The following PCDHGA6 variants were observed in gnomAD, a reference collection of about 807,000 sequenced individuals.
PCDHGA6 encodes protocadherin gamma subfamily A, 6.
PCDHGA6 carries 41 observed loss-of-function variants against 60.6 expected under a neutral mutation model. The observed-to-expected ratio is 0.68, with a 90% CI of 0.53 to 0.88. The LOEUF is 0.88. Among genes scored for constraint, PCDHGA6 ranks in the 40% least tolerant of loss-of-function variants. The pLI is 0.00. For missense variants in PCDHGA6, 1,312 were observed against 1,203.0 expected, an observed-to-expected ratio of 1.09 and a Z score of -1.34; for synonymous variants, 594 against 524.4, an observed-to-expected ratio of 1.13 and a Z score of -1.81.
rs1309165721 is a variant in PCDHGA6 at position 141,430,655 on chromosome 5, G to A, written c.2424+54148G>A. On this transcript the variant is annotated intron_variant, in intron 1 of 3. Coordinates refer to ENST00000517434, the MANE Select transcript of PCDHGA6 (RefSeq NM_018919.3). Reference sequence around the variant, plus strand: ...ATCCCTGGGAGTATGTGGAAACAACGGAGGAGCTCTGACTTCCCAACTGTC... The same window carrying A: ...ATCCCTGGGAGTATGTGGAAACAACAGAGGAGCTCTGACTTCCCAACTGTC... 4.6e-6 allele frequency: 5 copies of A among 1,084,938 alleles called. No individual in the cohort carries two copies. In the East Asian group the frequency reaches 7.8e-5, roughly 17 times the overall value. 67.2% of individuals were successfully genotyped at this position (1,084,938 alleles called of 1,614,324 possible).
At chr5:141,388,559 T>C in intron 1 of PCDHGA6, 1 of 1,613,890 alleles carries the variant, frequency 6.2e-7, no homozygotes, top group Non-Finnish European at 8.5e-7. Context: ...TAAGCAGCAC[T>C]GCACAGATAC....
chr5:141,464,328 C>T (rs2099081878), intron 1 of PCDHGA6, among the ~76,000 whole-genome samples: 1 of 150,722 alleles, frequency 6.6e-6, no homozygotes, highest in Admixed American at 6.6e-5. Context: ...CTGTTCAACC[C>T]ATCTATGACT....
intron 1 of PCDHGA6, chr5:141,478,813 A>G (rs2099478658): frequency 4.8e-6 from 7 of 1,453,346 alleles, no homozygotes; most frequent in Non-Finnish European, 6.3e-6. Context: ...TGCTATCACA[A>G]CTAACCAATC....
In PCDHGA6 at chr5:141,374,330, A is replaced by G. The variant is rs774789215; in HGVS notation, c.247A>G (p.Ser83Gly). Reference sequence around the variant, plus strand: ...TTTCTCTCTGAATCCGCGAAACGGCAGCTTGGTCACCGCGGGTAGGATAGA... The same window carrying G: ...TTTCTCTCTGAATCCGCGAAACGGCGGCTTGGTCACCGCGGGTAGGATAGA... ...QLFSLNPRNG[S>G]LVTAGRIDRE... Residue 83 changes from serine to glycine, a missense_variant, in exon 1 of 4, where the codon AGC (serine) becomes GGC (glycine). Coordinates refer to ENST00000517434, the MANE Select transcript of PCDHGA6 (RefSeq NM_018919.3). 138 of 1,613,872 alleles carry G rather than the reference A, an allele frequency of 8.6e-5. No homozygotes were observed. Among genetic ancestry groups the G allele is most frequent in the Non-Finnish European group, 1.1e-4 (130 of 1,179,866 alleles).
Position 141,477,554 on chromosome 5 carries a change from A to T in PCDHGA6, c.2425-17253A>T. The T allele has an allele frequency of 6.2e-7, 1 of 1,614,112 alleles. No homozygotes were observed. Among genetic ancestry groups the T allele is most frequent in the South Asian group, 1.1e-5 (1 of 91,086 alleles). Reference sequence around the variant, plus strand: ...CCCCGGGGCTCCAATACTAAACCTAAGTGTCTGGGACCCCGACGCCCCGCA... The same window carrying T: ...CCCCGGGGCTCCAATACTAAACCTATGTGTCTGGGACCCCGACGCCCCGCA... On this transcript the variant is annotated intron_variant, in intron 1 of 3. Transcript: ENST00000517434. This position sits in a 1 kb window ranked among gnomAD's most constrained non-coding sequence, Gnocchi z 4.9.
In PCDHGA6 at chr5:141,375,754, C is replaced by T; in HGVS notation, c.1671C>T (p.Asp557=). ...GCCTGTTTGTGCTGGACCAGAATGA[C>T]AATGCGCCCGAGATCCTGTACCCCG... ...SLSLFVLDQN[D]NAPEILYPAL... The change falls in exon 1 of 4, where the codon GAC becomes GAT. Residue 557 remains aspartate, a synonymous_variant. Transcript: ENST00000517434. 6.2e-7 allele frequency: 1 copy of T among 1,614,244 alleles called. No individual in the cohort carries two copies. The highest frequency in any genetic ancestry group is 8.5e-7 in the Non-Finnish European group (1 of 1,180,030).
intron 1 of PCDHGA6, chr5:141,419,140 G>A (rs1359933027): frequency 1.2e-6 from 2 of 1,613,750 alleles, no homozygotes; most frequent in East Asian, 2.2e-5. Flanking sequence ...CCACAGACAG[G>A]GGCAAGCCTC....
In PCDHGA6 at chr5:141,375,793, C is replaced by T. The variant is rs761231690; in HGVS notation, c.1710C>T (p.Asp570=). ...TCCTGTACCCCGCCCTCCCCACAGA[C>T]GGTTCCACTGGCGTGGAGCTGGCGC... ...PEILYPALPT[D]GSTGVELAPR... Residue 570 remains aspartate, a synonymous_variant, in exon 1 of 4, where the codon GAC becomes GAT. Transcript: ENST00000517434. The T allele has an allele frequency of 2.5e-6, 4 of 1,614,110 alleles. No homozygotes were observed. Among genetic ancestry groups the T allele is most frequent in the East Asian group, 4.5e-5 (2 of 44,906 alleles).
At chr5:141,427,146 AAT>A (rs1561826638) in intron 1 of PCDHGA6, 1 of 456,990 alleles carries the variant, frequency 2.2e-6, no homozygotes, top group Non-Finnish European at 4.4e-6. Context: ...TGATATTGGA[AAT>A]ATGTTTGTGC....
At chr5:141,450,826 A>C (rs965147554) in intron 1 of PCDHGA6, among the ~76,000 whole-genome samples, 1 of 134,302 alleles carries the variant, frequency 7.4e-6, no homozygotes, top group African/African-American at 2.9e-5. Context: ...TATTATTATT[A>C]TTATTTTTTT....
chr5:141,399,097 G>GT (rs1217179640), intron 1 of PCDHGA6: 2 of 1,613,816 alleles, frequency 1.2e-6, no homozygotes, highest in Admixed American at 3.3e-5. Flanking sequence ...TGGTGGACTG[G>GT]TTGCACAATG....
intron 1 of PCDHGA6, chr5:141,400,255 C>T: frequency 6.2e-7 from 1 of 1,614,046 alleles, no homozygotes; most frequent in Non-Finnish European, 8.5e-7. Flanking sequence ...CGTTGCCTTG[C>T]GCCTGCGACG....
intron 2 of PCDHGA6, among the ~76,000 whole-genome samples, chr5:141,496,991 G>T (rs1164558685): frequency 6.6e-6 from 1 of 151,902 alleles, no homozygotes; most frequent in African/African-American, 2.4e-5. Context: ...TTTGAGACCA[G>T]CCTGGCAGCC....
At chr5:141,449,588 CAAAA>C (rs768743917) in intron 1 of PCDHGA6, among the ~76,000 whole-genome samples, 2 of 57,488 alleles carry the variant, frequency 3.5e-5, no homozygotes, top group Non-Finnish European at 3.7e-5. Flanking sequence ...GACTCTGTCT[CAAAA>C]AAAAAAAAAA....
At chr5:141,462,206 T>A (rs574863016) in intron 1 of PCDHGA6, among the ~76,000 whole-genome samples, 7 of 152,066 alleles carry the variant, frequency 4.6e-5, no homozygotes, top group African/African-American at 1.7e-4. Flanking sequence ...GTGATCCGCC[T>A]GCCTCGGCCT....
intron 1 of PCDHGA6, chr5:141,415,818 A>G: frequency 2.3e-6 from 3 of 1,325,056 alleles, no homozygotes; most frequent in Middle Eastern, 2.8e-4. Context: ...CCTATATATC[A>G]TAAGGCTTTG....
Position 141,388,949 on chromosome 5 carries a change from G to A in PCDHGA6, c.2424+12442G>A. The A allele has an allele frequency of 6.2e-7, 1 of 1,613,986 alleles. No homozygotes were observed. The highest frequency in any genetic ancestry group is 8.5e-7 in the Non-Finnish European group (1 of 1,179,876). On this transcript the variant is annotated intron_variant, in intron 1 of 3. Coordinates refer to ENST00000517434, the MANE Select transcript of PCDHGA6 (RefSeq NM_018919.3). ...TCCAGTCTCTACCCAACCTAATTAT[G>A]GAGGACGCCGAGCTGGGAACACATA...
In PCDHGA6 at chr5:141,418,344, T is replaced by C. The variant is rs746519142; in HGVS notation, c.2424+41837T>C. On this transcript the variant is annotated intron_variant, in intron 1 of 3. Transcript: ENST00000517434. ...CTTGAGTCTGCAGAAGATCCTGATA[T>C]TAGTATGAATTCGCTGAGCAAATAC... 4.3e-6 allele frequency: 7 copies of C among 1,613,890 alleles called. No individual in the cohort carries two copies. The highest frequency in any genetic ancestry group is 2.2e-5 in the South Asian group (2 of 91,086).
intron 1 of PCDHGA6, chr5:141,383,110 A>G (rs754398892): frequency 1.9e-6 from 3 of 1,614,020 alleles, no homozygotes; most frequent in South Asian, 1.1e-5. Flanking sequence ...CTCCAGAGGT[A>G]GGACGCAGCT....
Sources: allele counts gnomAD v4.1 joint callset (sites outside exome capture counted in the v4.1 genomes callset), GRCh38; gene constraint gnomAD v4.1.1; non-coding constraint Gnocchi (gnomAD v3.1); transcripts MANE v1.5; gene names NCBI Gene and HGNC (gene_info 2026-07-23, HGNC 2026-07-21).